The following TRA2B variants were observed in gnomAD, a reference collection of about 807,000 sequenced individuals.
The protein encoded by TRA2B is transformer 2 beta homolog, also known as transformer-2 protein homolog beta.
In TRA2B, 14 loss-of-function variants were observed where a neutral mutation model predicts 41.7. The ratio of observed to expected loss-of-function variants is 0.34; its 90% CI spans 0.22 to 0.53. The LOEUF is 0.53. Among genes scored for constraint, TRA2B ranks in the 20% least tolerant of loss-of-function variants. The pLI, the probability that TRA2B is intolerant of heterozygous loss-of-function variation, is 0.95. For synonymous variants in TRA2B, 130 were observed against 128.8 expected (o/e 1.01, Z -0.06); for missense variants, 167 against 396.8 (o/e 0.42, Z 4.92).
At chr3:185,919,757 A>T (rs1560562127) in intron 6 of TRA2B, among the ~76,000 whole-genome samples, 4 of 152,172 alleles carry the variant, frequency 2.6e-5, no homozygotes, top group Admixed American at 1.3e-4. Context: ...AGCCCCAACA[A>T]ATTTGTACCT....
Position 185,914,693 on chromosome 3 carries a change from A to G in TRA2B, c.*3022T>C, listed in dbSNP as rs1174991628. ...ATGACATTTGGCATAAGCTAGCATT[A>G]AGTCCAATCCTACAAGAGCCAATCA... is the stretch of plus-strand genomic sequence containing the variant. On this transcript the variant is annotated 3_prime_UTR_variant, in exon 9 of 9. Transcript: ENST00000453386. 3.3e-5 allele frequency among the ~76,000 whole-genome samples: 5 copies of G among 152,188 alleles called. No individual in the cohort carries two copies. Among genetic ancestry groups the G allele is most frequent in the Admixed American group, 3.3e-4 (5 of 15,268 alleles).
At chr3:185,920,832 T>G (rs927770507) in intron 6 of TRA2B, among the ~76,000 whole-genome samples, 5 of 152,182 alleles carry the variant, frequency 3.3e-5, no homozygotes, top group African/African-American at 1.2e-4. Flanking sequence ...CCTGGCCTCA[T>G]TCAATGTTTA....
chr3:185,926,518 C>T, intron 2 of TRA2B, 83 bp downstream of exon 2: 1 of 1,555,890 alleles, frequency 6.4e-7, no homozygotes, highest in Non-Finnish European at 8.8e-7. Flanking sequence ...ATAATCTAAC[C>T]CTCTCTACCT....
intron 3 of TRA2B, 95 bp from the exon 4 acceptor site, chr3:185,924,079 CAAGAA>C: frequency 9.4e-7 from 1 of 1,069,250 alleles, no homozygotes; most frequent in South Asian, 1.8e-5. Context: ...ATGTCACTAA[CAAGAA>C]AAGTACATAA....
chr3:185,937,180 C>G, intron 1 of TRA2B: 1 of 985,678 alleles, frequency 1.0e-6, no homozygotes, highest in Non-Finnish European at 1.2e-6. Context: ...ACAAAGCCCT[C>G]ACGCAATCCC....
intron 1 of TRA2B, chr3:185,937,129 C>T (rs1007192994): frequency 3.0e-6 from 3 of 985,484 alleles, no homozygotes; most frequent in South Asian, 9.4e-5. Context: ...GCCTGGGAAG[C>T]CCTTTCGGCA....
chr3:185,920,561 ATTTAT>A (rs1308188947), intron 6 of TRA2B, among the ~76,000 whole-genome samples: 1 of 151,462 alleles, frequency 6.6e-6, no homozygotes, highest in East Asian at 1.9e-4. Flanking sequence ...GTATTCATTT[ATTTAT>A]TTTTTTTTTT....
In TRA2B at chr3:185,916,946, G is replaced by C. The variant is rs1387619225; in HGVS notation, c.*769C>G. 1 of 152,616 alleles carries C rather than the reference G, an allele frequency of 6.6e-6. No homozygotes were observed. Among genetic ancestry groups the C allele is most frequent in the Non-Finnish European group, 1.5e-5 (1 of 68,030 alleles). 9.5% of individuals were successfully genotyped at this position (152,616 alleles called of 1,614,324 possible). A position where few individuals can be genotyped will look rare whatever the true frequency, so the allele number is the denominator to read the frequency against. ...TTTTCATATAGTCTAAAAGCTAGAA[G>C]AACAAGAGTGTATTTGTGGTGGAAT... is the stretch of plus-strand genomic sequence containing the variant. On this transcript the variant is annotated 3_prime_UTR_variant, in exon 9 of 9. Transcript: ENST00000453386.
Position 185,925,529 on chromosome 3 carries a change from A to T in TRA2B, c.268T>A (p.Tyr90Asn). The T allele has an allele frequency of 6.2e-7, 1 of 1,614,176 alleles. No homozygotes were observed. The highest frequency in any genetic ancestry group is 8.5e-7 in the Non-Finnish European group (1 of 1,180,024). The change falls in exon 3 of 9, where the codon TAT becomes AAT. Residue 90 changes from tyrosine (Y) to asparagine (N), a missense_variant. Transcript: ENST00000453386. The part of the protein sequence containing the change: ...RSRSRSYSRD[Y>N]RRRHSHSHSP... ...TGGCTGTGGCTGTGCCGTCTACGAT[A>T]ATCTCGACTGTAAGACCTGCTACGT...
At chr3:185,930,197 T>C (rs1744096962) in intron 1 of TRA2B, among the ~76,000 whole-genome samples, 1 of 152,186 alleles carries the variant, frequency 6.6e-6, no homozygotes, top group Non-Finnish European at 1.5e-5. Context: ...GGTCTTTTCC[T>C]CTTTTGCACC....
intron 5 of TRA2B, among the ~76,000 whole-genome samples, chr3:185,921,727 G>C (rs1405331301): frequency 6.6e-6 from 1 of 152,118 alleles, no homozygotes; most frequent in Non-Finnish European, 1.5e-5. Context: ...TTGCACCATC[G>C]CACTCCAGCC....
Position 185,925,578 on chromosome 3 carries a change from AGACCGT to A in TRA2B, c.213_218del (p.Arg76_Ser77del), listed in dbSNP as rs1160528468. On this transcript the variant is annotated inframe_deletion, in exon 3 of 9. Coordinates refer to ENST00000453386, the MANE Select transcript of TRA2B (RefSeq NM_004593.3). ...GTGATCGTCTATGGGAGCGGGAGCGAGACCGTGACCGGGTATAATGCCTTCGGGAGC... is the reference window on the plus strand; with the variant it reads ...GTGATCGTCTATGGGAGCGGGAGCGAGACCGGGTATAATGCCTTCGGGAGC... 6.2e-7 allele frequency: 1 copy of A among 1,613,832 alleles called. No individual in the cohort carries two copies. Among genetic ancestry groups the A allele is most frequent in the Admixed American group, 1.7e-5 (1 of 60,024 alleles).
chr3:185,921,575 T>A (rs964815394), intron 5 of TRA2B, among the ~76,000 whole-genome samples: 1 of 152,040 alleles, frequency 6.6e-6, no homozygotes, highest in Non-Finnish European at 1.5e-5. Context: ...ACATCCTGGC[T>A]AACATGGTGA....
At chr3:185,920,455 A>AT (rs375687304) in intron 6 of TRA2B, among the ~76,000 whole-genome samples, 1 of 152,202 alleles carries the variant, frequency 6.6e-6, no homozygotes, top group African/African-American at 2.4e-5. Flanking sequence ...TTCCTGCCTC[A>AT]TTTTTTGTGG....
At chr3:185,925,219 T>G in intron 3 of TRA2B, 1 of 259,120 alleles carries the variant, frequency 3.9e-6, no homozygotes. Context: ...CAGTCGGAAG[T>G]TTTTTTTTTT....
intron 5 of TRA2B, among the ~76,000 whole-genome samples, chr3:185,921,637 G>A (rs969829305): frequency 2.6e-5 from 4 of 152,060 alleles, no homozygotes; most frequent in East Asian, 1.9e-4. Context: ...TGCGACACGC[G>A]CCTGTAGTCC....
intron 1 of TRA2B, chr3:185,936,523 A>G: frequency 1.0e-6 from 1 of 985,492 alleles, no homozygotes; most frequent in East Asian, 1.1e-4. Context: ...CTCACGCTTC[A>G]TCACTGAAAA....
At chr3:185,937,522 T>C in intron 1 of TRA2B, 1 of 1,011,688 alleles carries the variant, frequency 9.9e-7, no homozygotes. Context: ...ATCGCTCCCC[T>C]CCCCCAACAC....
At chr3:185,937,332 A>C in intron 1 of TRA2B, 11 of 989,752 alleles carry the variant, frequency 1.1e-5, no homozygotes, top group Non-Finnish European at 1.1e-5. Flanking sequence ...AAGACCCAAA[A>C]GAACGTCGTC....
Sources: allele counts gnomAD v4.1 joint callset (sites outside exome capture counted in the v4.1 genomes callset), GRCh38; gene constraint gnomAD v4.1.1; transcripts MANE v1.5; gene names NCBI Gene and HGNC (gene_info 2026-07-23, HGNC 2026-07-21).